TBC1D19: variants seen among roughly 807,000 people sequenced by gnomAD.
The protein encoded by TBC1D19 is TBC1 domain family member 19.
TBC1D19 carries 60 observed loss-of-function variants against 89.0 expected under a neutral mutation model. The ratio of observed to expected loss-of-function variants is 0.67; its 90% confidence interval spans 0.55 to 0.84. The LOEUF is 0.84. Ranked by LOEUF, TBC1D19 falls within the 40% of genes least tolerant of loss-of-function variation. The probability of loss-of-function intolerance (pLI) is 0.00; values close to 1 mark genes in which losing one functional copy is unlikely to be tolerated. For synonymous variants in TBC1D19, 189 were observed against 199.7 expected (o/e 0.95, Z 0.45); for missense variants, 500 against 610.8 (o/e 0.82, Z 1.91).
At chr4:26,599,950 CAAAAAAAAAAA>C (rs36092049) in intron 1 of TBC1D19, among the ~76,000 whole-genome samples, 2 of 72,782 alleles carry the variant, frequency 2.7e-5, no homozygotes, top group Non-Finnish European at 4.7e-5. Flanking sequence ...TCTGTCTCTC[CAAAAAAAAAAA>C]AAAAAAAAAA....
chr4:26,734,952 A>G (rs563623726), intron 15 of TBC1D19, among the ~76,000 whole-genome samples: 3 of 59,180 alleles, frequency 5.1e-5, no homozygotes, highest in East Asian at 9.3e-4. Flanking sequence ...ATGTATACAC[A>G]TATGTATATG....
At chr4:26,676,501 T>A (rs578178693) in intron 11 of TBC1D19, among the ~76,000 whole-genome samples, 1 of 152,254 alleles carries the variant, frequency 6.6e-6, no homozygotes, top group African/African-American at 2.4e-5. Flanking sequence ...GTGAATCACC[T>A]GATTTTGTGA....
chr4:26,598,168 T>C (rs1487192199), intron 1 of TBC1D19, among the ~76,000 whole-genome samples: 1 of 152,198 alleles, frequency 6.6e-6, no homozygotes, highest in Non-Finnish European at 1.5e-5. Context: ...GAGATGATAG[T>C]ATTACAAATA....
intron 1 of TBC1D19, among the ~76,000 whole-genome samples, chr4:26,608,914 G>C (rs993891006): frequency 2.3e-4 from 35 of 151,194 alleles, no homozygotes; most frequent in Non-Finnish European, 4.6e-4. Context: ...CAATAGCAAA[G>C]ACTTGTGGAA....
chr4:26,729,823 A>C (rs1312131128), intron 15 of TBC1D19, among the ~76,000 whole-genome samples: 1 of 152,176 alleles, frequency 6.6e-6, no homozygotes, highest in East Asian at 1.9e-4. Context: ...GAGCTCTATA[A>C]ATACAGGGAC....
the TBC1D19 span, among the ~76,000 whole-genome samples, chr4:26,783,793 A>G: frequency 6.6e-6 from 1 of 152,180 alleles, no homozygotes; most frequent in Non-Finnish European, 1.5e-5. Flanking sequence ...TTGCATTTGG[A>G]GAAACATGTG....
intron 7 of TBC1D19, among the ~76,000 whole-genome samples, chr4:26,644,000 G>A (rs1359689748): frequency 6.6e-6 from 1 of 152,156 alleles, no homozygotes; most frequent in Non-Finnish European, 1.5e-5. Context: ...GAGGTACAAA[G>A]AGGAGCTGGT....
the TBC1D19 span, among the ~76,000 whole-genome samples, chr4:26,826,930 C>A: frequency 6.6e-6 from 1 of 152,146 alleles, no homozygotes; most frequent in Non-Finnish European, 1.5e-5. Context: ...GCAGTTCAAC[C>A]CCCTACTGAG....
chr4:26,652,732 A>G (rs1164423459), intron 7 of TBC1D19, among the ~76,000 whole-genome samples: 2 of 151,818 alleles, frequency 1.3e-5, no homozygotes, highest in East Asian at 1.9e-4. Flanking sequence ...ATCATTTTTT[A>G]TTGTGTCTAT....
intron 10 of TBC1D19, 95 bp from the exon 11 acceptor site, chr4:26,673,681 G>A: frequency 1.2e-6 from 1 of 804,436 alleles, no homozygotes; most frequent in Non-Finnish European, 2.1e-6. Flanking sequence ...TAGAAAGACT[G>A]AATATCAGCT....
the TBC1D19 span, among the ~76,000 whole-genome samples, chr4:26,812,131 C>G: frequency 1.3e-5 from 2 of 152,182 alleles, no homozygotes; most frequent in African/African-American, 4.8e-5. This position sits in a 1 kb window ranked among gnomAD's most constrained non-coding sequence, Gnocchi z 4.2. Flanking sequence ...GAGGAATGAT[C>G]TGGGCCAGCA....
At chr4:26,717,538 G>A (rs892908782) in intron 13 of TBC1D19, among the ~76,000 whole-genome samples, 1 of 152,022 alleles carries the variant, frequency 6.6e-6, no homozygotes, top group Non-Finnish European at 1.5e-5. Context: ...CTAACTGCGT[G>A]ATGCATCCCA....
intron 1 of TBC1D19, among the ~76,000 whole-genome samples, chr4:26,598,337 A>G (rs1197305859): frequency 6.6e-6 from 1 of 152,232 alleles, no homozygotes; most frequent in Non-Finnish European, 1.5e-5. Flanking sequence ...GTATACATTA[A>G]TATTTCTGCA....
At chr4:26,711,689 T>C (rs1440798454) in intron 13 of TBC1D19, among the ~76,000 whole-genome samples, 1 of 152,058 alleles carries the variant, frequency 6.6e-6, no homozygotes, top group Non-Finnish European at 1.5e-5. Flanking sequence ...CCTGATGAAG[T>C]TTAATTTTTA....
chr4:26,606,132 G>C (rs896105746), intron 1 of TBC1D19, among the ~76,000 whole-genome samples: 3 of 152,086 alleles, frequency 2.0e-5, no homozygotes, highest in Admixed American at 6.5e-5. Context: ...CACAGGTATG[G>C]TATATGCCAC....
intron 13 of TBC1D19, among the ~76,000 whole-genome samples, chr4:26,698,556 A>G (rs998803066): frequency 6.6e-6 from 1 of 152,172 alleles, no homozygotes; most frequent in Non-Finnish European, 1.5e-5. Context: ...CATCGCCAAG[A>G]CAATACTAAG....
rs869124166 is a variant in TBC1D19, at chr4:26,590,796, G to GTTTTTTTTTTTTTTTTT, written c.99+6519_99+6535dup. ...GGTTCACTCTTTGTCTTGCAGGTCT[G>GTTTTTTTTTTTTTTTTT]TTTTTTTTTTTTTTTTTTTTTTTTT... On this transcript the variant is annotated intron_variant, in intron 1 of 20. Coordinates refer to ENST00000264866, the MANE Select transcript of TBC1D19 (RefSeq NM_018317.4). Among the ~76,000 whole-genome samples the GTTTTTTTTTTTTTTTTT allele has an allele frequency of 4.6e-3, 245 of 52,908 alleles. 28 individuals carry two copies. Among genetic ancestry groups the GTTTTTTTTTTTTTTTTT allele is most frequent in the Non-Finnish European group, 5.7e-3 (180 of 31,762 alleles). 34.7% of individuals were successfully genotyped at this position (52,908 alleles called of 152,430 possible).
At chr4:26,847,895 A>G in the TBC1D19 span, among the ~76,000 whole-genome samples, 6 of 152,222 alleles carry the variant, frequency 3.9e-5, no homozygotes, top group African/African-American at 1.4e-4. Context: ...ATTGACTAAG[A>G]TGGGGACTAT....
the TBC1D19 span, among the ~76,000 whole-genome samples, chr4:26,854,529 C>T: frequency 6.6e-6 from 1 of 152,108 alleles, no homozygotes; most frequent in Non-Finnish European, 1.5e-5. Context: ...TATTACTATC[C>T]AGGAACTTTA....
Sources: gnomAD v4.1 joint callset for allele counts (sites outside exome capture counted in the v4.1 genomes callset) on GRCh38, gnomAD v4.1.1 for gene constraint, Gnocchi (gnomAD v3.1) non-coding constraint, MANE v1.5 for transcripts, NCBI Gene and HGNC (gene_info 2026-07-23, HGNC 2026-07-21) for gene names.